CDH12: variants seen among roughly 807,000 people sequenced by gnomAD.
CDH12 encodes cadherin 12, also known as cadherin-12.
Under a neutral mutation model 74.1 loss-of-function variants are expected in CDH12, and 41 were observed. The ratio of observed to expected loss-of-function variants is 0.55; its 90% CI spans 0.43 to 0.72. CDH12 has a LOEUF of 0.72. Among genes scored for constraint, CDH12 ranks in the 30% least tolerant of loss-of-function variants. The pLI is 0.00. For synonymous variants in CDH12, 399 were observed against 355.0 expected, an observed-to-expected ratio of 1.12 and a Z score of -1.39; for missense variants, 945 against 977.2, an observed-to-expected ratio of 0.97 and a Z score of 0.44.
rs1243049217 is a variant in CDH12 at position 21,942,630 on chromosome 5, A to ATG, written c.526+32459_526+32460dup. On this transcript the variant is annotated intron_variant, in intron 6 of 14. Coordinates refer to ENST00000382254, the MANE Select transcript of CDH12 (RefSeq NM_004061.5). The stretch of plus-strand genomic sequence containing the variant: ...CACATGCAGAAATGTATATCTGTGT[A>ATG]TGTGTGTGTGTTTATATATGAGTAT... Among the ~76,000 whole-genome samples the ATG allele has an allele frequency of 2.6e-3, 396 of 150,414 alleles. 1 individual carries two copies. Among genetic ancestry groups the ATG allele is most frequent in the African/African-American group, 9.2e-3 (369 of 40,116 alleles).
At chr5:22,301,271 AT>A (rs1400084063) in intron 3 of CDH12, among the ~76,000 whole-genome samples, 3 of 152,176 alleles carry the variant, frequency 2.0e-5, no homozygotes, top group Non-Finnish European at 2.9e-5. Flanking sequence ...ACCAAAAAAA[AT>A]ATTTTATTCA....
intron 3 of CDH12, among the ~76,000 whole-genome samples, chr5:22,335,950 T>C (rs537974805): frequency 1.6e-4 from 25 of 152,164 alleles, no homozygotes; most frequent in Admixed American, 4.6e-4. Flanking sequence ...GTGGGAAAGT[T>C]TGGAACTTCT....
intron 8 of CDH12, among the ~76,000 whole-genome samples, chr5:21,821,869 A>T (rs192107931): frequency 6.6e-6 from 1 of 152,056 alleles, no homozygotes; most frequent in African/African-American, 2.4e-5. Context: ...TTTACCTTCT[A>T]ATGGCTTAGA....
At chr5:22,681,226 GGGGT>G (rs759006546) in intron 1 of CDH12, among the ~76,000 whole-genome samples, 1,538 of 38,280 alleles carry the variant, frequency 0.04, 9 homozygotes, top group Admixed American at 0.066. Flanking sequence ...TGGGTATTGG[GGGGT>G]GTGTGTGTGT....
At chr5:21,844,190 A>C (rs763226328) in intron 7 of CDH12, among the ~76,000 whole-genome samples, 6 of 152,138 alleles carry the variant, frequency 3.9e-5, no homozygotes, top group African/African-American at 9.7e-5. Flanking sequence ...AAGATGATGC[A>C]ATCATTTTTT....
In CDH12 at chr5:22,767,001, A is replaced by AT. The variant is rs1307573074; in HGVS notation, c.-523+86056dup. Among the ~76,000 whole-genome samples, 145 of 152,098 alleles carry AT rather than the reference A, an allele frequency of 9.5e-4. 3 individuals carry two copies. The highest frequency in any genetic ancestry group is 2.6e-4 in the Non-Finnish European group (18 of 67,932). On this transcript the variant is annotated intron_variant, in intron 1 of 14. Coordinates refer to ENST00000382254, the MANE Select transcript of CDH12 (RefSeq NM_004061.5). ...GCAGGTGGTAGGTACACAGTAATCA[A>AT]TTTTTTGTGATTTTTTACATGTATA...
In CDH12 at chr5:22,423,735, G is replaced by A. The variant is rs72744857; in HGVS notation, c.-427-18384C>T. Among the ~76,000 whole-genome samples, 576 of 152,186 alleles carry A rather than the reference G, an allele frequency of 3.8e-3. 3 individuals carry two copies. Among genetic ancestry groups the A allele is most frequent in the Non-Finnish European group, 4.8e-3 (328 of 68,012 alleles). On this transcript the variant is annotated intron_variant, in intron 2 of 14. Transcript: ENST00000382254. ...AAAGGGATGACTGGCCGGGCGCAGCGGCTCAAGCGTGTAATCCCAGCACTT... is the reference window on the plus strand; with the variant it reads ...AAAGGGATGACTGGCCGGGCGCAGCAGCTCAAGCGTGTAATCCCAGCACTT...
intron 5 of CDH12, among the ~76,000 whole-genome samples, chr5:22,062,935 C>T (rs1741293844): frequency 1.3e-5 from 2 of 152,060 alleles, no homozygotes. Context: ...ATGATGAAAA[C>T]TCCATTATGA....
chr5:22,004,962 C>A (rs909720124), intron 5 of CDH12, among the ~76,000 whole-genome samples: 1 of 152,154 alleles, frequency 6.6e-6, no homozygotes, highest in Non-Finnish European at 1.5e-5. Context: ...TGTGTTGCTG[C>A]AAAACACACG....
chr5:21,920,247 C>T (rs970919267), intron 6 of CDH12, among the ~76,000 whole-genome samples: 28 of 152,130 alleles, frequency 1.8e-4, no homozygotes, highest in Non-Finnish European at 8.8e-5. Context: ...CTTGATGAGA[C>T]ATCATGTGAG....
intron 3 of CDH12, among the ~76,000 whole-genome samples, chr5:22,294,114 A>G (rs1737522941): frequency 6.6e-6 from 1 of 152,126 alleles, no homozygotes; most frequent in Admixed American, 6.6e-5. Context: ...GTTTAGAAAA[A>G]CAGAAAAAAA....
At chr5:22,596,417 G>C (rs1334273546) in intron 1 of CDH12, among the ~76,000 whole-genome samples, 2 of 152,098 alleles carry the variant, frequency 1.3e-5, no homozygotes, top group South Asian at 4.1e-4. Flanking sequence ...CTCCAGCCTG[G>C]GCAACAAGAG....
intron 6 of CDH12, among the ~76,000 whole-genome samples, chr5:21,878,022 G>T (rs1752030926): frequency 6.6e-6 from 1 of 152,212 alleles, no homozygotes; most frequent in South Asian, 2.1e-4. Flanking sequence ...ACATGACTTT[G>T]CAATACTTGC....
intron 1 of CDH12, among the ~76,000 whole-genome samples, chr5:22,524,749 A>G (rs1737194321): frequency 6.6e-6 from 1 of 152,110 alleles, no homozygotes; most frequent in African/African-American, 2.4e-5. Flanking sequence ...CTCACATTGT[A>G]TGTCCACCAA....
intron 14 of CDH12, among the ~76,000 whole-genome samples, chr5:21,753,020 T>C (rs1179105198): frequency 6.6e-6 from 1 of 152,186 alleles, no homozygotes; most frequent in Non-Finnish European, 1.5e-5. Context: ...TTATTCCCAG[T>C]TGATTTAAAG....
At chr5:22,308,116 G>A (rs563652947) in intron 3 of CDH12, among the ~76,000 whole-genome samples, 7 of 151,936 alleles carry the variant, frequency 4.6e-5, no homozygotes, top group Admixed American at 1.3e-4. Context: ...TCCTGACCTC[G>A]TGATCTGCCC....
intron 4 of CDH12, among the ~76,000 whole-genome samples, chr5:22,161,523 C>G (rs1356971915): frequency 6.6e-6 from 1 of 151,892 alleles, no homozygotes; most frequent in South Asian, 2.1e-4. Context: ...ATAGCAAGAC[C>G]CTGTCTGTAT....
At chr5:22,464,838 C>A (rs1209222127) in intron 2 of CDH12, among the ~76,000 whole-genome samples, 1 of 152,036 alleles carries the variant, frequency 6.6e-6, no homozygotes, top group African/African-American at 2.4e-5. Flanking sequence ...CCCACCTCTA[C>A]TAAAAATATA....
intron 3 of CDH12, among the ~76,000 whole-genome samples, chr5:22,298,550 C>CT (rs375223316): frequency 0.55 from 83,952 of 151,770 alleles, 23,782 homozygotes; most frequent in Non-Finnish European, 0.62. Context: ...CCATTTTTAT[C>CT]CCTAATATCA....
Sources: allele counts gnomAD v4.1 joint callset (sites outside exome capture counted in the v4.1 genomes callset), GRCh38; gene constraint gnomAD v4.1.1; transcripts MANE v1.5; gene names NCBI Gene and HGNC (gene_info 2026-07-23, HGNC 2026-07-21).